The following KIAA0586 variants were observed in gnomAD, a reference collection of about 807,000 sequenced individuals.
KIAA0586 encodes KIAA0586.
KIAA0586 carries 144 observed loss-of-function variants against 169.8 expected under a neutral mutation model. The ratio of observed to expected loss-of-function variants is 0.85; its 90% CI spans 0.74 to 0.97. KIAA0586 has a LOEUF of 0.97. Among genes scored for constraint, KIAA0586 ranks in the 50% least tolerant of loss-of-function variants. The probability of loss-of-function intolerance (pLI) is 0.00; values close to 1 mark genes in which losing one functional copy is unlikely to be tolerated. For missense variants in KIAA0586, 1,854 were observed against 1,823.0 expected, an observed-to-expected ratio of 1.02 and a Z score of -0.31; for synonymous variants, 625 against 612.4, an observed-to-expected ratio of 1.02 and a Z score of -0.30.
chr14:58,480,781 A>G (rs780305797), intron 20 of KIAA0586, among the ~76,000 whole-genome samples: 1 of 152,224 alleles, frequency 6.6e-6, no homozygotes, highest in Non-Finnish European at 1.5e-5. Context: ...AGCATAGCTC[A>G]CATGCCTCCT....
intron 26 of KIAA0586, among the ~76,000 whole-genome samples, chr14:58,494,019 A>G (rs967835731): frequency 6.6e-6 from 1 of 152,152 alleles, no homozygotes; most frequent in African/African-American, 2.4e-5. Flanking sequence ...GAAATCACTA[A>G]TATCAGTGTA....
chr14:58,458,658 A>T (rs898987110), intron 12 of KIAA0586, 113 bp downstream of exon 12: 7 of 585,310 alleles, frequency 1.2e-5, no homozygotes, highest in Non-Finnish European at 2.0e-5. Context: ...AAATCCACTT[A>T]TTTTTAATTT....
At chr14:58,517,307 T>G (rs1168073958) in intron 29 of KIAA0586, among the ~76,000 whole-genome samples, 1 of 152,188 alleles carries the variant, frequency 6.6e-6, no homozygotes, top group South Asian at 2.1e-4. Context: ...ATTTTTAAAA[T>G]GCATAAAAGA....
Position 58,487,579 on chromosome 14 carries a change from C to G in KIAA0586, c.3305-308C>G, listed in dbSNP as rs575733823. Among the ~76,000 whole-genome samples the G allele has an allele frequency of 2.6e-5, 4 of 151,762 alleles. No homozygotes were observed. The East Asian group carries it at 7.8e-4, about 29-fold the overall frequency. The stretch of plus-strand genomic sequence containing the variant: ...CGAGATCGCACCATTGCACTCCACC[C>G]TGGGCAAGGGAGTGAGACTCCGTCT... On this transcript the variant is annotated intron_variant, in intron 22 of 30. Coordinates refer to ENST00000652326, the MANE Select transcript of KIAA0586 (RefSeq NM_001329943.3).
chr14:58,536,932 T>C (rs2046323927), intron 29 of KIAA0586: 1 of 821,016 alleles, frequency 1.2e-6, no homozygotes, highest in Non-Finnish European at 1.7e-6. Context: ...TTAATAGAAC[T>C]TTATAGATCA....
intron 29 of KIAA0586, among the ~76,000 whole-genome samples, chr14:58,525,539 G>T (rs973324406): frequency 1.3e-5 from 2 of 152,144 alleles, no homozygotes; most frequent in African/African-American, 4.8e-5. Context: ...CAGATACTAT[G>T]CTTTTCCCAT....
intron 27 of KIAA0586, among the ~76,000 whole-genome samples, chr14:58,501,751 ATAACT>A (rs1437146645): frequency 1.3e-5 from 2 of 152,338 alleles, no homozygotes; most frequent in African/African-American, 4.8e-5. Flanking sequence ...CTTTGGTCAA[ATAACT>A]TAATGTTCCT....
In KIAA0586 at chr14:58,428,268, A is replaced by G. The variant is rs1228164523; in HGVS notation, c.4A>G (p.Lys2Glu). Reference protein sequence around the residue: MKGSEVSLEKKK... With the variant: MEGSEVSLEKKK... ...GACTTGTTTTGTGACCAACAATATG[A>G]AAGGCTCTGAGGTCAGCTTGGAGAA... Residue 2 changes from lysine to glutamate, a missense_variant, in exon 1 of 31, where the codon AAA (lysine) becomes GAA (glutamate). Physicochemically the swap from Lys to Glu is moderately conservative, Grantham distance 56. Coordinates refer to ENST00000652326, the MANE Select transcript of KIAA0586 (RefSeq NM_001329943.3). The G allele has an allele frequency of 6.2e-7, 1 of 1,613,168 alleles. No homozygotes were observed. Among genetic ancestry groups the G allele is most frequent in the Non-Finnish European group, 8.5e-7 (1 of 1,179,574 alleles).
In KIAA0586 at chr14:58,508,631, G is replaced by A. The variant is rs2044170750; in HGVS notation, c.4245G>A (p.Lys1415=). ...LGELELEPNS[K]LVLPTTLLTA... is the part of the protein sequence containing the mutation. ...AATTGGAGTTGGAGCCAAATTCTAAGCTGGTTCTTCCCACAACACTTCTGA... is the reference window on the plus strand; with the variant it reads ...AATTGGAGTTGGAGCCAAATTCTAAACTGGTTCTTCCCACAACACTTCTGA... The change falls in exon 28 of 31, where the codon AAG becomes AAA. Residue 1415 remains lysine (K), a synonymous_variant. Coordinates refer to ENST00000652326, the MANE Select transcript of KIAA0586 (RefSeq NM_001329943.3). The A allele has an allele frequency of 1.3e-6, 2 of 1,596,736 alleles. No homozygotes were observed. The highest frequency in any genetic ancestry group is 1.1e-5 in the South Asian group (1 of 87,888).
At chr14:58,547,500 G>A (rs886428408) in intron 30 of KIAA0586, among the ~76,000 whole-genome samples, 4 of 147,412 alleles carry the variant, frequency 2.7e-5, no homozygotes, top group East Asian at 1.9e-4. Context: ...CCCTTAACCC[G>A]TTACATTTGA....
rs966912655 is a variant in KIAA0586, at chr14:58,492,199, A to C, written c.3914A>C (p.His1305Pro). 6.5e-7 allele frequency: 1 copy of C among 1,550,316 alleles called. No homozygotes were observed. Among genetic ancestry groups the C allele is most frequent in the African/African-American group, 1.4e-5 (1 of 73,012 alleles). ...QVIRMSHKKF[H>P]ADAILSFAKQ... is the part of the protein sequence containing the mutation. Reference sequence around the variant, plus strand: ...ATTAGGATGTCCCATAAAAAATTTCATGCAGATGCAATTCTTTCTTTTGCT... The same window carrying C: ...ATTAGGATGTCCCATAAAAAATTTCCTGCAGATGCAATTCTTTCTTTTGCT... Residue 1305 changes from histidine (H) to proline (P), a missense_variant, in exon 26 of 31, where the codon CAT becomes CCT. His to Pro is a moderately conservative substitution (Grantham distance 77, BLOSUM62 -2). Coordinates refer to ENST00000652326, the MANE Select transcript of KIAA0586 (RefSeq NM_001329943.3).
intron 19 of KIAA0586, among the ~76,000 whole-genome samples, 192 bp downstream of exon 19, chr14:58,474,989 T>A (rs1042985129): frequency 6.6e-6 from 1 of 152,256 alleles, no homozygotes; most frequent in East Asian, 1.9e-4. Context: ...TGTCCTTGAA[T>A]ATTTGTACTC....
chr14:58,504,729 C>T (rs916089881), intron 27 of KIAA0586, among the ~76,000 whole-genome samples: 1 of 152,164 alleles, frequency 6.6e-6, no homozygotes, highest in Admixed American at 6.5e-5. Context: ...GACACCCACA[C>T]TCAATGAGCC....
chr14:58,457,180 CAGAG>C (rs377669303), intron 10 of KIAA0586, among the ~76,000 whole-genome samples: 2 of 152,064 alleles, frequency 1.3e-5, no homozygotes, highest in Admixed American at 1.3e-4. Flanking sequence ...CTTTCTTCAG[CAGAG>C]AGAGAGAGCT....
chr14:58,558,356 G>A, the KIAA0586 span, among the ~76,000 whole-genome samples: 7 of 152,158 alleles, frequency 4.6e-5, no homozygotes, highest in Non-Finnish European at 8.8e-5. Context: ...TTGAAATGAT[G>A]TAGTTAGAAA....
At chr14:58,429,256 A>G in intron 1 of KIAA0586, 107 bp from the exon 2 acceptor site, 1 of 635,570 alleles carries the variant, frequency 1.6e-6, no homozygotes, top group Non-Finnish European at 2.8e-6. Flanking sequence ...TGTCTTTCCA[A>G]CTTCTGCGTT....
chr14:58,526,931 A>T (rs549499896), intron 29 of KIAA0586, among the ~76,000 whole-genome samples: 1 of 151,954 alleles, frequency 6.6e-6, no homozygotes, highest in Non-Finnish European at 1.5e-5. Flanking sequence ...TCCTTCCCCC[A>T]TAATAAAGGA....
chr14:58,537,767 C>A (rs1289989946), intron 29 of KIAA0586, among the ~76,000 whole-genome samples: 2 of 152,008 alleles, frequency 1.3e-5, no homozygotes, highest in East Asian at 3.9e-4. Flanking sequence ...CCTGCCTCAG[C>A]CTCCCGAGTA....
chr14:58,494,329 G>GTTTT (rs11428665), intron 26 of KIAA0586, among the ~76,000 whole-genome samples: 1 of 142,154 alleles, frequency 7.0e-6, no homozygotes, highest in African/African-American at 2.6e-5. Flanking sequence ...GTTTTTTGTT[G>GTTTT]TTTTTTTTTT....
Sources: gnomAD v4.1 joint callset for allele counts (sites outside exome capture counted in the v4.1 genomes callset) on GRCh38, gnomAD v4.1.1 for gene constraint, MANE v1.5 for transcripts, NCBI Gene and HGNC (gene_info 2026-07-23, HGNC 2026-07-21) for gene names.